Variants in OTOGL observed in about 807,000 individuals in gnomAD.
OTOGL encodes the protein otogelin-like protein.
Under a neutral mutation model 318.5 loss-of-function variants are expected in OTOGL, and 285 were observed. The observed-to-expected ratio is 0.89, with a 90% CI of 0.81 to 0.99. The LOEUF is 0.99. OTOGL is among the 50% of genes least tolerant of loss of function. The pLI is 0.00. For synonymous variants in OTOGL, 987 were observed against 936.5 expected, an observed-to-expected ratio of 1.05 and a Z score of -0.99; for missense variants, 2,899 against 2,845.6, an observed-to-expected ratio of 1.02 and a Z score of -0.43.
intron 1 of OTOGL, among the ~76,000 whole-genome samples, chr12:80,163,615 T>C (rs997619314): frequency 5.9e-5 from 9 of 152,150 alleles, no homozygotes; most frequent in Non-Finnish European, 1.2e-4. Context: ...TGATCTCAGC[T>C]GGGCTCAGCT....
At chr12:80,124,551 GT>G (rs1280315780) in intron 1 of OTOGL, among the ~76,000 whole-genome samples, 3 of 152,166 alleles carry the variant, frequency 2.0e-5, no homozygotes, top group Non-Finnish European at 4.4e-5. Context: ...GAACTTTAAA[GT>G]AGTTTTTTCC....
intron 26 of OTOGL, among the ~76,000 whole-genome samples, chr12:80,295,135 C>A (rs75474090): frequency 0.032 from 4,601 of 143,224 alleles, 257 homozygotes; most frequent in African/African-American, 0.11. Flanking sequence ...AAAAACAAAA[C>A]ACAAACTGTA....
At chr12:80,116,512 C>T (rs1289036090) in intron 1 of OTOGL, among the ~76,000 whole-genome samples, 2 of 152,146 alleles carry the variant, frequency 1.3e-5, no homozygotes, top group Non-Finnish European at 2.9e-5. Context: ...TTGCCCCAGT[C>T]ATCCACTGCA....
chr12:80,274,083 C>T (rs1411547449), intron 24 of OTOGL, among the ~76,000 whole-genome samples: 2 of 151,982 alleles, frequency 1.3e-5, no homozygotes, highest in Non-Finnish European at 2.9e-5. Flanking sequence ...CAATTAATAA[C>T]TCTACAATAG....
At chr12:80,241,871 G>A (rs563945250) in intron 11 of OTOGL, among the ~76,000 whole-genome samples, 37 of 152,090 alleles carry the variant, frequency 2.4e-4, no homozygotes, top group Middle Eastern at 3.4e-3. Flanking sequence ...CTTTTGTCGA[G>A]GTTATTATTT....
chr12:80,160,441 A>G (rs968451456), intron 1 of OTOGL, among the ~76,000 whole-genome samples: 2 of 151,986 alleles, frequency 1.3e-5, no homozygotes, highest in Non-Finnish European at 2.9e-5. Flanking sequence ...TGAATAAGCA[A>G]TTCTCAAGAT....
chr12:80,105,441 A>T (rs1869400234), intron 1 of OTOGL, among the ~76,000 whole-genome samples: 2 of 152,178 alleles, frequency 1.3e-5, no homozygotes, highest in African/African-American at 4.8e-5. Context: ...ACATTTCTGA[A>T]ATAAAAGGAA....
chr12:80,288,323 C>T (rs1018528084), intron 26 of OTOGL, among the ~76,000 whole-genome samples: 1 of 151,990 alleles, frequency 6.6e-6, no homozygotes, highest in African/African-American at 2.4e-5. Flanking sequence ...CTCTGGCTGC[C>T]CTTAATATTT....
rs147317314 is a variant in OTOGL, at chr12:80,142,315, C to T, written c.-20+42710C>T. Among the ~76,000 whole-genome samples the T allele has an allele frequency of 7.0e-3, 1,062 of 152,166 alleles. 11 individuals are homozygous for T. Among genetic ancestry groups the T allele is most frequent in the Non-Finnish European group, 0.01 (712 of 68,008 alleles). Reference sequence around the variant, plus strand: ...AAGCACTCAGTGGCCACGTGTCTAGCGGTTATTGTACTGGGTGGCACAGAT... The same window carrying T: ...AAGCACTCAGTGGCCACGTGTCTAGTGGTTATTGTACTGGGTGGCACAGAT... On this transcript the variant is annotated intron_variant, in intron 1 of 58. Coordinates refer to ENST00000547103, the MANE Select transcript of OTOGL (RefSeq NM_001378609.3).
At chr12:80,278,055 C>A in intron 24 of OTOGL, 113 bp from the exon 25 acceptor site, 1 of 841,978 alleles carries the variant, frequency 1.2e-6, no homozygotes, top group Non-Finnish European at 1.9e-6. Flanking sequence ...GATAGAGTGC[C>A]TTAGACAGCT....
intron 9 of OTOGL, among the ~76,000 whole-genome samples, chr12:80,237,857 G>A (rs1231703292): frequency 6.6e-6 from 1 of 152,178 alleles, no homozygotes; most frequent in African/African-American, 2.4e-5. Flanking sequence ...TCTGACTCTA[G>A]TGGTGCAATA....
intron 38 of OTOGL, among the ~76,000 whole-genome samples, chr12:80,334,404 G>A (rs1257350205): frequency 3.9e-5 from 6 of 152,072 alleles, no homozygotes; most frequent in Admixed American, 3.9e-4. Context: ...ATTCCTCACA[G>A]ACAGCAAAAA....
At chr12:80,220,004 T>C (rs1403062480) in intron 6 of OTOGL, 92 bp downstream of exon 6, 2 of 926,864 alleles carry the variant, frequency 2.2e-6, no homozygotes, top group Non-Finnish European at 3.3e-6. Context: ...CCATTGGGAG[T>C]TGTATATTAA....
chr12:80,358,200 C>A, intron 49 of OTOGL, 48 bp from the exon 50 acceptor site: 1 of 1,226,580 alleles, frequency 8.2e-7, no homozygotes, highest in South Asian at 1.3e-5. Flanking sequence ...TATTATAATT[C>A]ATGGTTTTTA....
chr12:80,362,380 C>A (rs1318862641), intron 52 of OTOGL, among the ~76,000 whole-genome samples: 1 of 152,102 alleles, frequency 6.6e-6, no homozygotes, highest in Non-Finnish European at 1.5e-5. Context: ...TTGATTACTG[C>A]AGCTTTGTAG....
intron 29 of OTOGL, among the ~76,000 whole-genome samples, chr12:80,306,041 C>T (rs916459659): frequency 2.6e-5 from 4 of 151,984 alleles, no homozygotes; most frequent in South Asian, 2.1e-4. Context: ...ATCTGCATTT[C>T]GAAGGATGAT....
At chr12:80,282,333 T>G (rs1012679150) in intron 26 of OTOGL, among the ~76,000 whole-genome samples, 3 of 151,938 alleles carry the variant, frequency 2.0e-5, no homozygotes, top group Non-Finnish European at 4.4e-5. Flanking sequence ...TTAGTTCTGT[T>G]ACATAAAAAA....
intron 1 of OTOGL, among the ~76,000 whole-genome samples, chr12:80,120,789 G>A (rs375541761): frequency 6.6e-6 from 1 of 152,060 alleles, no homozygotes; most frequent in African/African-American, 2.4e-5. Flanking sequence ...GGGTTTATAG[G>A]CAGTGACAGA....
chr12:80,170,178 G>GGGGT (rs1298726751), intron 1 of OTOGL, among the ~76,000 whole-genome samples: 8 of 144,064 alleles, frequency 5.6e-5, no homozygotes, highest in African/African-American at 2.1e-4. Context: ...CTTTGTCAGG[G>GGGGT]GTGTGTGTGT....
Sources: gnomAD v4.1 joint callset for allele counts (sites outside exome capture counted in the v4.1 genomes callset) on GRCh38, gnomAD v4.1.1 for gene constraint, MANE v1.5 for transcripts, NCBI Gene and HGNC (gene_info 2026-07-23, HGNC 2026-07-21) for gene names.